RGS8: variants seen among roughly 807,000 people sequenced by gnomAD.
RGS8 encodes the protein regulator of G-protein signaling 8.
In RGS8, 8 loss-of-function variants were observed where a neutral mutation model predicts 21.7. That is an observed-to-expected ratio of 0.37 (90% confidence interval 0.22 to 0.66). The LOEUF (loss-of-function observed/expected upper bound fraction) is 0.66, where lower values mean the gene tolerates loss of function less well. Ranked by LOEUF, RGS8 falls within the 30% of genes least tolerant of loss-of-function variation. The pLI, the probability that RGS8 is intolerant of heterozygous loss-of-function variation, is 0.59. For missense variants in RGS8, 157 were observed against 217.9 expected, an observed-to-expected ratio of 0.72 and a Z score of 1.76; for synonymous variants, 80 against 83.6, an observed-to-expected ratio of 0.96 and a Z score of 0.24.
the RGS8 span, among the ~76,000 whole-genome samples, chr1:182,716,532 C>T: frequency 3.3e-5 from 5 of 151,638 alleles, no homozygotes; most frequent in Admixed American, 3.3e-4. Flanking sequence ...ATATGGGAAC[C>T]CCCAGACATG....
At chr1:182,644,713 G>A (rs1662627896), downstream of RGS8, 1 of 152,214 alleles carries the variant, frequency 6.6e-6, no homozygotes, top group African/African-American at 2.4e-5. Flanking sequence ...AGTAGAGTTG[G>A]CAGCAGATGC....
upstream of RGS8, among the ~76,000 whole-genome samples, chr1:182,685,335 G>A (rs906613031): frequency 1.7e-4 from 26 of 152,192 alleles, no homozygotes. Flanking sequence ...GACAGCTTGG[G>A]CCAGAGCCCA....
chr1:182,670,616 G>GAACCCATTTAAAAAA (rs1557897372), intron 2 of RGS8, among the ~76,000 whole-genome samples: 2 of 152,034 alleles, frequency 1.3e-5, no homozygotes, highest in Non-Finnish European at 2.9e-5. Flanking sequence ...CATTTTAAAA[G>GAACCCATTTAAAAAA]GAACCTAATT....
chr1:182,738,003 C>T, the RGS8 span, among the ~76,000 whole-genome samples: 6 of 152,192 alleles, frequency 3.9e-5, no homozygotes, highest in African/African-American at 1.4e-4. Flanking sequence ...TAAAGCCATT[C>T]CCAGATTATT....
At chr1:182,709,673 A>G in the RGS8 span, among the ~76,000 whole-genome samples, 3 of 152,164 alleles carry the variant, frequency 2.0e-5, no homozygotes, top group Non-Finnish European at 4.4e-5. Context: ...GTTCTGACAC[A>G]CTATTTCTAT....
At chr1:182,702,642 T>G in the RGS8 span, among the ~76,000 whole-genome samples, 16 of 152,214 alleles carry the variant, frequency 1.1e-4, no homozygotes, top group Non-Finnish European at 2.1e-4. Context: ...CAATCGTAAG[T>G]AAAATATTTA....
At chr1:182,749,026 T>G in the RGS8 span, among the ~76,000 whole-genome samples, 5 of 152,340 alleles carry the variant, frequency 3.3e-5, no homozygotes, top group East Asian at 9.6e-4. Context: ...TTGCAAATAT[T>G]TTCTCCCACT....
chr1:182,699,955 G>T, the RGS8 span, among the ~76,000 whole-genome samples: 2 of 152,218 alleles, frequency 1.3e-5, no homozygotes, highest in Admixed American at 6.5e-5. Flanking sequence ...CACAGTGCCT[G>T]CCCTGGATAA....
the RGS8 span, among the ~76,000 whole-genome samples, chr1:182,738,964 T>C: frequency 9.8e-5 from 15 of 152,298 alleles, no homozygotes; most frequent in African/African-American, 3.6e-4. Flanking sequence ...AAAGAGACAA[T>C]CTCTCTTTCA....
the RGS8 span, among the ~76,000 whole-genome samples, chr1:182,745,349 A>T: frequency 8.2e-6 from 1 of 121,730 alleles, no homozygotes; most frequent in South Asian, 2.5e-4. Flanking sequence ...ACTCATGAGA[A>T]CCAACTGTTT....
At chr1:182,651,553 C>T (rs573581500) in intron 5 of RGS8, among the ~76,000 whole-genome samples, 3 of 152,316 alleles carry the variant, frequency 2.0e-5, no homozygotes, top group East Asian at 1.9e-4. Flanking sequence ...ATCACTTTCA[C>T]ACCACCCTAA....
At chr1:182,741,742 T>G in the RGS8 span, among the ~76,000 whole-genome samples, 1 of 67,422 alleles carries the variant, frequency 1.5e-5, no homozygotes, top group South Asian at 5.1e-4. Context: ...GGCGGCTGGC[T>G]GGGCGGGGGG....
At chr1:182,694,807 CAAA>C in the RGS8 span, among the ~76,000 whole-genome samples, 3 of 92,206 alleles carry the variant, frequency 3.3e-5, no homozygotes, top group Non-Finnish European at 4.6e-5. Flanking sequence ...GACTCCTACT[CAAA>C]AAAAAAAAAA....
chr1:182,690,578 T>A, the RGS8 span, among the ~76,000 whole-genome samples: 10 of 152,258 alleles, frequency 6.6e-5, no homozygotes, highest in Non-Finnish European at 1.5e-4. Context: ...AGGGCTAGAC[T>A]AGGTCATCTG....
the RGS8 span, among the ~76,000 whole-genome samples, chr1:182,690,108 G>T: frequency 1.3e-5 from 2 of 152,114 alleles, no homozygotes; most frequent in Non-Finnish European, 2.9e-5. Context: ...ACCTCTCTAT[G>T]CCACAGGGTC....
chr1:182,669,885 G>C, intron 2 of RGS8, 133 bp from the exon 4 acceptor site: 1 of 1,018,162 alleles, frequency 9.8e-7, no homozygotes, highest in Admixed American at 3.4e-5. Flanking sequence ...ATGTCCACTT[G>C]TCCTTAGCAG....
chr1:182,661,766 G>A (rs1354268319), intron 5 of RGS8, among the ~76,000 whole-genome samples: 1 of 151,872 alleles, frequency 6.6e-6, no homozygotes, highest in Non-Finnish European at 1.5e-5. Flanking sequence ...GCTCTCTTGG[G>A]TATGAGCTGC....
chr1:182,727,009 C>G, the RGS8 span, among the ~76,000 whole-genome samples: 18 of 152,308 alleles, frequency 1.2e-4, no homozygotes, highest in African/African-American at 4.3e-4. Context: ...AGATGAATAA[C>G]TTTTCAGCTC....
At chr1:182,745,719 A>C in the RGS8 span, among the ~76,000 whole-genome samples, 1 of 152,244 alleles carries the variant, frequency 6.6e-6, no homozygotes, top group African/African-American at 2.4e-5. Flanking sequence ...TTAAACCACG[A>C]ACTAAGTTCT....
Sources: gnomAD v4.1 joint callset for allele counts (sites outside exome capture counted in the v4.1 genomes callset) on GRCh38, gnomAD v4.1.1 for gene constraint, MANE v1.5 for transcripts, NCBI Gene and HGNC (gene_info 2026-07-23, HGNC 2026-07-21) for gene names.